Variants in CFAP299 observed in about 807,000 individuals in gnomAD.
CFAP299 encodes cilia- and flagella-associated protein 299.
A neutral mutation model predicts 27.0 loss-of-function variants in CFAP299; 21 were observed. The observed-to-expected ratio is 0.78, with a 90% CI of 0.55 to 1.12. The LOEUF is 1.12. Ranked by LOEUF, CFAP299 falls within the 50% of genes most tolerant of loss-of-function variation. The pLI is 0.00. For synonymous variants in CFAP299, 104 were observed against 98.1 expected (o/e 1.06, Z -0.36); for missense variants, 310 against 276.6 (o/e 1.12, Z -0.86).
chr4:80,358,689 C>T (rs1014264040), intron 1 of CFAP299, among the ~76,000 whole-genome samples: 8 of 152,044 alleles, frequency 5.3e-5, no homozygotes, highest in South Asian at 4.1e-4. Flanking sequence ...GATTTTTCTC[C>T]ATTCCTTTAT....
At chr4:80,857,536 G>C (rs1731993393) in intron 3 of CFAP299, among the ~76,000 whole-genome samples, 1 of 152,170 alleles carries the variant, frequency 6.6e-6, no homozygotes, top group Non-Finnish European at 1.5e-5. Context: ...GATATTGGCT[G>C]TTGGTTTGTC....
At chr4:80,941,133 G>GT (rs1737172391) in intron 4 of CFAP299, among the ~76,000 whole-genome samples, 1 of 152,088 alleles carries the variant, frequency 6.6e-6, no homozygotes, top group African/African-American at 2.4e-5. Context: ...CTAATACAAT[G>GT]TAAATGTTGT....
chr4:80,690,222 C>G (rs1383931866), intron 3 of CFAP299, among the ~76,000 whole-genome samples: 3 of 150,928 alleles, frequency 2.0e-5, no homozygotes, highest in Non-Finnish European at 4.4e-5. Flanking sequence ...CTCTCCACCC[C>G]AAATCAACAG....
intron 3 of CFAP299, among the ~76,000 whole-genome samples, chr4:80,840,928 T>C (rs1730829903): frequency 6.6e-6 from 1 of 152,178 alleles, no homozygotes; most frequent in South Asian, 2.1e-4. Context: ...TTATCTCTAA[T>C]CAGAGAGCCG....
rs143709771 is a variant in CFAP299, at chr4:80,464,027, G to A, written c.242+101143G>A. On this transcript the variant is annotated intron_variant, in intron 2 of 5. Coordinates refer to ENST00000358105, the MANE Select transcript of CFAP299 (RefSeq NM_152770.3). ...AGTATCCATATTCAGCCAAAATCAT[G>A]TTATTTTTGGCTGTCTTTGACTAAA... Among the ~76,000 whole-genome samples the A allele has an allele frequency of 6.5e-3, 995 of 152,130 alleles. 25 individuals are homozygous for A. Among genetic ancestry groups the A allele is most frequent in the African/African-American group, 0.023 (958 of 41,500 alleles).
intron 5 of CFAP299, among the ~76,000 whole-genome samples, chr4:80,951,142 T>C (rs17346647): frequency 0.16 from 23,721 of 152,170 alleles, 1,901 homozygotes; most frequent in East Asian, 0.2. Flanking sequence ...CTTTTTGTTA[T>C]CTTATTTACT....
At chr4:80,654,885 G>A (rs1376078359) in intron 3 of CFAP299, among the ~76,000 whole-genome samples, 1 of 151,124 alleles carries the variant, frequency 6.6e-6, no homozygotes, top group Non-Finnish European at 1.5e-5. Context: ...CAAAGTGCTG[G>A]AATTATAGGT....
chr4:80,809,732 C>G lies in CFAP299; in HGVS notation c.334-60261C>G, dbSNP rs562091697. On this transcript the variant is annotated intron_variant, in intron 3 of 5. Coordinates refer to ENST00000358105, the MANE Select transcript of CFAP299 (RefSeq NM_152770.3). ...AAACTTCAGTGACTCCCATCCCTTACAGGACAGAGACCAGGTTTCCTTACC... is the reference window on the plus strand; with the variant it reads ...AAACTTCAGTGACTCCCATCCCTTAGAGGACAGAGACCAGGTTTCCTTACC... Among the ~76,000 whole-genome samples the G allele has an allele frequency of 6.6e-5, 10 of 152,242 alleles. No individual in the cohort carries two copies. In the South Asian group the frequency reaches 2.1e-3, roughly 32 times the overall value.
intron 3 of CFAP299, among the ~76,000 whole-genome samples, chr4:80,640,662 T>A (rs1181530887): frequency 1.3e-5 from 2 of 152,186 alleles, no homozygotes; most frequent in Non-Finnish European, 2.9e-5. Context: ...GAAGTGACAC[T>A]AGGTATTACC....
intron 2 of CFAP299, among the ~76,000 whole-genome samples, chr4:80,436,819 T>C (rs1331851279): frequency 2.0e-5 from 3 of 152,214 alleles, no homozygotes; most frequent in African/African-American, 7.2e-5. Context: ...CCCTCTAGCA[T>C]GTGACATAAG....
the CFAP299 span, among the ~76,000 whole-genome samples, chr4:80,322,375 C>G: frequency 6.6e-6 from 1 of 152,200 alleles, no homozygotes; most frequent in African/African-American, 2.4e-5. Context: ...GCAGAATCAT[C>G]TGGTGGGACT....
chr4:80,912,474 G>C (rs984810892), intron 4 of CFAP299, among the ~76,000 whole-genome samples: 2 of 152,104 alleles, frequency 1.3e-5, no homozygotes, highest in Non-Finnish European at 2.9e-5. Flanking sequence ...TGGTGCAGCT[G>C]GGCAACAGTG....
the CFAP299 span, among the ~76,000 whole-genome samples, chr4:80,327,701 T>TATATATATATATATATAACTTCAATAC: frequency 1.0e-3 from 61 of 61,176 alleles, no homozygotes; most frequent in Admixed American, 2.1e-3. Flanking sequence ...TATATATATA[T>TATATATATATATATATAACTTCAATAC]ATATATATAT....
intron 2 of CFAP299, among the ~76,000 whole-genome samples, chr4:80,507,005 C>T (rs937092475): frequency 6.6e-6 from 1 of 152,080 alleles, no homozygotes; most frequent in Admixed American, 6.6e-5. Context: ...GGGTTGTTTG[C>T]ATTTTAATAG....
chr4:80,635,732 G>A (rs1242637153), intron 3 of CFAP299, among the ~76,000 whole-genome samples: 2 of 152,120 alleles, frequency 1.3e-5, no homozygotes, highest in African/African-American at 4.8e-5. Context: ...CCTCCCAGGT[G>A]TTACACCAGG....
At chr4:80,951,482 A>T (rs1237303600) in intron 5 of CFAP299, among the ~76,000 whole-genome samples, 1 of 152,188 alleles carries the variant, frequency 6.6e-6, no homozygotes, top group Non-Finnish European at 1.5e-5. Context: ...CTACTTTGGC[A>T]TGTAGTCTAT....
intron 3 of CFAP299, among the ~76,000 whole-genome samples, chr4:80,800,560 T>C (rs1249948591): frequency 4.2e-5 from 3 of 71,310 alleles, no homozygotes; most frequent in Non-Finnish European, 7.1e-5. Context: ...CAATATATTA[T>C]ATAATATATT....
chr4:80,957,573 T>C (rs1294677241), intron 5 of CFAP299, among the ~76,000 whole-genome samples: 5 of 152,144 alleles, frequency 3.3e-5, no homozygotes, highest in East Asian at 1.9e-4. Flanking sequence ...GATTTTAAAA[T>C]AAATTTGCAA....
chr4:80,547,647 A>G (rs1313622245), intron 2 of CFAP299, among the ~76,000 whole-genome samples: 2 of 152,216 alleles, frequency 1.3e-5, no homozygotes, highest in East Asian at 3.8e-4. Flanking sequence ...TCTAGTAGCC[A>G]GAATCTGTAA....
Sources: allele counts gnomAD v4.1 joint callset (sites outside exome capture counted in the v4.1 genomes callset), GRCh38; gene constraint gnomAD v4.1.1; transcripts MANE v1.5; gene names NCBI Gene and HGNC (gene_info 2026-07-23, HGNC 2026-07-21).